TAOK1: variants seen among roughly 807,000 people sequenced by gnomAD.
TAOK1 encodes the protein TAO kinase 1.
TAOK1 carries 21 observed loss-of-function variants against 138.3 expected under a neutral mutation model. The observed-to-expected ratio is 0.15, with a 90% confidence interval of 0.11 to 0.22. The LOEUF (loss-of-function observed/expected upper bound fraction) is 0.22, where lower values mean the gene tolerates loss of function less well. TAOK1 is among the 10% of genes least tolerant of loss of function. TAOK1 has a pLI of 1.00. For missense variants in TAOK1, 651 were observed against 1,227.7 expected, an observed-to-expected ratio of 0.53 and a Z score of 7.02; for synonymous variants, 361 against 398.4, an observed-to-expected ratio of 0.91 and a Z score of 1.12.
chr17:29,393,164 C>T (rs2153019305), intron 1 of TAOK1, among the ~76,000 whole-genome samples: 1 of 152,202 alleles, frequency 6.6e-6, no homozygotes, highest in Middle Eastern at 3.4e-3. Context: ...AAGTCTGATT[C>T]TCCGTATTAT....
intron 1 of TAOK1, among the ~76,000 whole-genome samples, chr17:29,393,833 T>C (rs1475797239): frequency 6.6e-6 from 1 of 152,190 alleles, no homozygotes. Context: ...AAGGATAGTA[T>C]TGCAAACAAA....
chr17:29,502,115 C>G (rs2153028644), intron 12 of TAOK1, among the ~76,000 whole-genome samples: 1 of 152,282 alleles, frequency 6.6e-6, no homozygotes, highest in Admixed American at 6.5e-5. Context: ...ATTTTATACC[C>G]TGTACAAATA....
intron 15 of TAOK1, chr17:29,514,227 T>C (rs2031774943): frequency 6.6e-6 from 1 of 152,256 alleles, no homozygotes; most frequent in Non-Finnish European, 1.5e-5. Flanking sequence ...ATAATTTATG[T>C]GCTTTTTATT....
intron 19 of TAOK1, among the ~76,000 whole-genome samples, chr17:29,535,819 C>A (rs1409847440): frequency 6.6e-6 from 1 of 152,036 alleles, no homozygotes; most frequent in Non-Finnish European, 1.5e-5. Context: ...CATGCCACTG[C>A]ACTCCAGCCT....
intron 12 of TAOK1, among the ~76,000 whole-genome samples, chr17:29,500,340 A>G (rs2031501130): frequency 6.6e-6 from 1 of 151,996 alleles, no homozygotes; most frequent in African/African-American, 2.4e-5. Flanking sequence ...AAAAAATAGG[A>G]ATGCTTCCTT....
At position 29,498,540 on chromosome 17, in the gene TAOK1, A is replaced by G. The variant is rs372785339; in HGVS notation, c.1203+19A>G. 7.6e-5 allele frequency: 122 copies of G among 1,608,578 alleles called. 1 individual carries two copies. In the African/African-American group the frequency reaches 8.4e-4, roughly 11 times the overall value. ...AAAACCAGTGAGTATTTGGATTTCA[A>G]TGAAAGAAATTCAATGTTGGTAAAC... On this transcript the variant is annotated intron_variant, in intron 12 of 19. Coordinates refer to ENST00000261716, the MANE Select transcript of TAOK1 (RefSeq NM_020791.4).
At chr17:29,507,142 T>C (rs546351471) in intron 13 of TAOK1, among the ~76,000 whole-genome samples, 1 of 152,310 alleles carries the variant, frequency 6.6e-6, no homozygotes, top group African/African-American at 2.4e-5. Flanking sequence ...ATAAACATGC[T>C]TTATAACTAG....
chr17:29,425,072 T>C (rs147570525), intron 1 of TAOK1, among the ~76,000 whole-genome samples: 1,854 of 152,278 alleles, frequency 0.012, 20 homozygotes, highest in Non-Finnish European at 0.018. Context: ...TAAATACTTA[T>C]TGGTTTTGGT....
At chr17:29,453,477 C>T (rs1173085157) in intron 2 of TAOK1, among the ~76,000 whole-genome samples, 1 of 152,162 alleles carries the variant, frequency 6.6e-6, no homozygotes, top group Non-Finnish European at 1.5e-5. Flanking sequence ...TCTCAAACTC[C>T]TGACCTCAAG....
intron 6 of TAOK1, among the ~76,000 whole-genome samples, chr17:29,479,049 C>T (rs898498054): frequency 2.6e-5 from 4 of 151,422 alleles, no homozygotes; most frequent in East Asian, 1.9e-4. Flanking sequence ...CACTTGAGCC[C>T]GGGAGGCGGA....
At chr17:29,440,611 T>C (rs891955322) in intron 1 of TAOK1, among the ~76,000 whole-genome samples, 25 of 152,128 alleles carry the variant, frequency 1.6e-4, no homozygotes, top group African/African-American at 5.6e-4. Context: ...GAGTCTGCTC[T>C]TTTGCCCAGG....
intron 1 of TAOK1, among the ~76,000 whole-genome samples, chr17:29,441,054 T>C (rs931706754): frequency 5.3e-5 from 8 of 152,256 alleles, no homozygotes; most frequent in African/African-American, 1.9e-4. Flanking sequence ...TCATAATGTA[T>C]AATCCTTTTA....
At chr17:29,465,216 T>G (rs2030633611) in intron 2 of TAOK1, among the ~76,000 whole-genome samples, 1 of 134,358 alleles carries the variant, frequency 7.4e-6, no homozygotes, top group African/African-American at 2.8e-5. Flanking sequence ...TGCAATGGCA[T>G]GATCTCGGCT....
At chr17:29,511,249 TGA>T in intron 15 of TAOK1, 1 of 173,584 alleles carries the variant, frequency 5.8e-6, no homozygotes, top group East Asian at 1.5e-4. Flanking sequence ...TATTTATTTT[TGA>T]GACAAAGAGT....
chr17:29,532,946 C>A (rs1188834012), intron 18 of TAOK1, among the ~76,000 whole-genome samples: 17 of 138,362 alleles, frequency 1.2e-4, no homozygotes, highest in African/African-American at 4.3e-4. Context: ...GGCTGACCCC[C>A]CCACCTCCCT....
chr17:29,397,480 G>A (rs1011168368), intron 1 of TAOK1, among the ~76,000 whole-genome samples: 4 of 151,316 alleles, frequency 2.6e-5, no homozygotes, highest in African/African-American at 9.7e-5. Context: ...GCGCGCACCT[G>A]TAGTCTCAGC....
At chr17:29,454,981 A>G (rs2030339117) in intron 2 of TAOK1, among the ~76,000 whole-genome samples, 1 of 152,042 alleles carries the variant, frequency 6.6e-6, no homozygotes, top group Non-Finnish European at 1.5e-5. Flanking sequence ...CAGTGGCACG[A>G]TCTTTGCTCA....
chr17:29,451,525 C>G lies in TAOK1; in HGVS notation c.-24C>G, dbSNP rs1401771653. On this transcript the variant is annotated 5_prime_UTR_variant, in exon 2 of 20. It adds an upstream start codon to the 5' untranslated region. Coordinates refer to ENST00000261716, the MANE Select transcript of TAOK1 (RefSeq NM_020791.4). Reference sequence around the variant, plus strand: ...CGGGATAGCAGTATAAAATTAGAATCAAGACAGCTGACTGCTCAGCAGGAT... The same window carrying G: ...CGGGATAGCAGTATAAAATTAGAATGAAGACAGCTGACTGCTCAGCAGGAT... 6.3e-7 allele frequency: 1 copy of G among 1,595,190 alleles called. No homozygotes were observed. The highest frequency in any genetic ancestry group is 1.8e-5 in the Admixed American group (1 of 56,404).
At chr17:29,453,203 A>T (rs1168343542) in intron 2 of TAOK1, among the ~76,000 whole-genome samples, 1 of 137,070 alleles carries the variant, frequency 7.3e-6, no homozygotes, top group East Asian at 2.1e-4. Flanking sequence ...TCTATTGCCC[A>T]GGCTGGAGTG....
Sources: allele counts gnomAD v4.1 joint callset (sites outside exome capture counted in the v4.1 genomes callset), GRCh38; gene constraint gnomAD v4.1.1; transcripts MANE v1.5; gene names NCBI Gene and HGNC (gene_info 2026-07-23, HGNC 2026-07-21).